The following CFAP77 variants were observed in gnomAD, a reference collection of about 807,000 sequenced individuals.
CFAP77 encodes the protein cilia- and flagella-associated protein 77.
A neutral mutation model predicts 31.1 loss-of-function variants in CFAP77; 25 were observed. The ratio of observed to expected loss-of-function variants is 0.80; its 90% CI spans 0.59 to 1.12. CFAP77 has a LOEUF of 1.12. Among genes scored for constraint, CFAP77 ranks in the 50% most tolerant of loss-of-function variants. The pLI, the probability that CFAP77 is intolerant of heterozygous loss-of-function variation, is 0.00. For synonymous variants in CFAP77, 151 were observed against 159.9 expected, an observed-to-expected ratio of 0.94 and a Z score of 0.42; for missense variants, 377 against 397.3, an observed-to-expected ratio of 0.95 and a Z score of 0.44.
chr9:132,473,558 G>A (rs143817508), intron 1 of CFAP77, among the ~76,000 whole-genome samples: 35 of 152,282 alleles, frequency 2.3e-4, no homozygotes, highest in South Asian at 1.7e-3. Flanking sequence ...CCTGTCTGTG[G>A]AGAGGGTGGT....
chr9:132,468,798 C>A (rs1713692676), intron 1 of CFAP77, among the ~76,000 whole-genome samples: 1 of 146,676 alleles, frequency 6.8e-6, no homozygotes, highest in Non-Finnish European at 1.5e-5. Flanking sequence ...CACGCACACA[C>A]ACACACACAC....
rs879727962 is a variant in CFAP77, at chr9:132,456,754, A to AT, written c.196-41927dup. ...TGATCCAACTGGAGATTTAAAAAAA[A>AT]TTTTTTTTTTTTTTGAGACACGGTC... On this transcript the variant is annotated intron_variant, in intron 1 of 5. Transcript: ENST00000393216. Among the ~76,000 whole-genome samples, 662 of 146,434 alleles carry AT rather than the reference A, an allele frequency of 4.5e-3. 5 individuals are homozygous for AT. Among genetic ancestry groups the AT allele is most frequent in the Non-Finnish European group, 6.9e-3 (453 of 65,986 alleles).
At chr9:132,434,793 T>C (rs1850474963) in intron 1 of CFAP77, among the ~76,000 whole-genome samples, 1 of 152,204 alleles carries the variant, frequency 6.6e-6, no homozygotes, top group Admixed American at 6.5e-5. Context: ...GGTCTGGCTT[T>C]TGATTTGAGC....
intron 1 of CFAP77, among the ~76,000 whole-genome samples, chr9:132,489,964 G>T (rs1408351540): frequency 6.6e-6 from 1 of 152,160 alleles, no homozygotes; most frequent in African/African-American, 2.4e-5. Flanking sequence ...AATATAGAAA[G>T]AATAGAAATT....
At chr9:132,444,974 C>CTTT (rs564127221) in intron 1 of CFAP77, among the ~76,000 whole-genome samples, 1 of 133,778 alleles carries the variant, frequency 7.5e-6, no homozygotes, top group African/African-American at 2.8e-5. Flanking sequence ...TTCTTTCTTT[C>CTTT]TTTTTTTTTT....
At position 132,554,217 on chromosome 9, in the gene CFAP77, G is replaced by A. The variant is rs146671088; in HGVS notation, c.732+11170G>A. On this transcript the variant is annotated intron_variant, in intron 5 of 5. Coordinates refer to ENST00000393216, the MANE Select transcript of CFAP77 (RefSeq NM_001282957.2). The surrounding 1 kb of genome is among the most constrained non-coding windows in gnomAD (Gnocchi z 4.1). ...CTGTTGTGGAAAAAACATGCTCGAC[G>A]TGATGGAATGTGCTCCGTTTGGCTT... Among the ~76,000 whole-genome samples, 66 of 152,336 alleles carry A rather than the reference G, an allele frequency of 4.3e-4. 1 individual carries two copies. The highest frequency in any genetic ancestry group is 1.0e-3 in the South Asian group (5 of 4,830).
At chr9:132,487,710 C>T (rs892356440) in intron 1 of CFAP77, among the ~76,000 whole-genome samples, 1 of 146,946 alleles carries the variant, frequency 6.8e-6, no homozygotes, top group Non-Finnish European at 1.5e-5. Flanking sequence ...GTGGTCTTCT[C>T]ATGCGTGGCT....
rs4962071 is a variant in CFAP77 at position 132,552,115 on chromosome 9, T to C, written c.732+9068T>C. ...TTAAAAGTGGGAGGCTGAGGCTGAG[T>C]CCAGCAGGAGGGCTGGGTCTGTCTG... On this transcript the variant is annotated intron_variant, in intron 5 of 5. Coordinates refer to ENST00000393216, the MANE Select transcript of CFAP77 (RefSeq NM_001282957.2). This position sits in a 1 kb window ranked among gnomAD's most constrained non-coding sequence, Gnocchi z 5.5. 0.75 allele frequency among the ~76,000 whole-genome samples: 114,116 copies of C among 152,200 alleles called. 44,031 individuals carry two copies. Among genetic ancestry groups the C allele is most frequent in the East Asian group, 0.93 (4,816 of 5,168 alleles).
intron 1 of CFAP77, among the ~76,000 whole-genome samples, chr9:132,442,340 C>T (rs1025929267): frequency 3.9e-5 from 6 of 152,158 alleles, no homozygotes; most frequent in Non-Finnish European, 8.8e-5. Context: ...CACTTGAGCA[C>T]AGAAGTTTGA....
intron 1 of CFAP77, among the ~76,000 whole-genome samples, chr9:132,466,038 A>G (rs1851145686): frequency 6.6e-6 from 1 of 152,180 alleles, no homozygotes; most frequent in East Asian, 1.9e-4. Context: ...AGCTTAAGCT[A>G]TGTCACAGAG....
At chr9:132,502,492 G>A (rs988659022) in intron 3 of CFAP77, among the ~76,000 whole-genome samples, 21 of 151,604 alleles carry the variant, frequency 1.4e-4, no homozygotes, top group African/African-American at 4.8e-4. Context: ...AAACACAAAC[G>A]CCCCAGCCCC....
chr9:132,557,731 C>A (rs189209654), intron 5 of CFAP77, among the ~76,000 whole-genome samples: 2 of 152,272 alleles, frequency 1.3e-5, no homozygotes, highest in Admixed American at 1.3e-4. Context: ...GGAGTCCATG[C>A]GGCACCTTCC....
At chr9:132,430,051 C>T (rs936251197) in intron 1 of CFAP77, among the ~76,000 whole-genome samples, 1 of 152,072 alleles carries the variant, frequency 6.6e-6, no homozygotes, top group Non-Finnish European at 1.5e-5. Flanking sequence ...GGGGTCTGCA[C>T]TTGGCGTTCT....
At chr9:132,457,467 CT>C (rs1488384078) in intron 1 of CFAP77, among the ~76,000 whole-genome samples, 31 of 152,192 alleles carry the variant, frequency 2.0e-4, no homozygotes, top group Admixed American at 2.0e-3. Flanking sequence ...CTCATGTCTC[CT>C]TTTCTTTTCT....
chr9:132,423,391 C>T lies in CFAP77; in HGVS notation c.195+12925C>T, dbSNP rs113386754. Among the ~76,000 whole-genome samples, 334 of 152,320 alleles carry T rather than the reference C, an allele frequency of 2.2e-3. 3 individuals carry two copies. The highest frequency in any genetic ancestry group is 6.3e-3 in the African/African-American group (262 of 41,572). ...GGCTGTAGACCATTTGATCAGCTGA[C>T]GCTCCAGTTTGCCCACTGACAGCTG... On this transcript the variant is annotated intron_variant, in intron 1 of 5. Coordinates refer to ENST00000393216, the MANE Select transcript of CFAP77 (RefSeq NM_001282957.2).
chr9:132,554,909 T>TATGC lies in CFAP77; in HGVS notation c.732+11877_732+11880dup, dbSNP rs143850114. On this transcript the variant is annotated intron_variant, in intron 5 of 5. Transcript: ENST00000393216. The surrounding 1 kb of genome is among the most constrained non-coding windows in gnomAD (Gnocchi z 4.1). ...CCAACCATCTATCTATCCATCCATC[T>TATGC]ATGCATGCATGCATGCATCCATCCA... 0.17 allele frequency among the ~76,000 whole-genome samples: 24,593 copies of TATGC among 146,886 alleles called. 2,460 individuals are homozygous for TATGC. The highest frequency in any genetic ancestry group is 0.25 in the East Asian group (1,229 of 4,896).
At chr9:132,475,311 A>G in intron 1 of CFAP77, among the ~76,000 whole-genome samples, 1 of 152,252 alleles carries the variant, frequency 6.6e-6, no homozygotes, top group Non-Finnish European at 1.5e-5. Flanking sequence ...CAGCCTGGGT[A>G]TCATGCATCT....
In CFAP77 at chr9:132,428,198, A is replaced by T. The variant is rs116093183; in HGVS notation, c.195+17732A>T. 9.1e-3 allele frequency among the ~76,000 whole-genome samples: 1,367 copies of T among 150,884 alleles called. 23 individuals carry two copies. Among genetic ancestry groups the T allele is most frequent in the African/African-American group, 0.03 (1,232 of 41,082 alleles). On this transcript the variant is annotated intron_variant, in intron 1 of 5. Transcript: ENST00000393216. The stretch of plus-strand genomic sequence containing the variant: ...AGTTTTTTTTTTTTTTCACAGAGAC[A>T]TGGGTCTTCCAGTGTTACCCAGTCT...
chr9:132,534,593 A>G (rs990529167), intron 3 of CFAP77, among the ~76,000 whole-genome samples: 5 of 147,086 alleles, frequency 3.4e-5, no homozygotes, highest in Non-Finnish European at 7.4e-5. Context: ...CCTGAGCAAC[A>G]GAGCGAGACT....
Sources: gnomAD v4.1 joint callset for allele counts (sites outside exome capture counted in the v4.1 genomes callset) on GRCh38, gnomAD v4.1.1 for gene constraint, Gnocchi (gnomAD v3.1) non-coding constraint, MANE v1.5 for transcripts, NCBI Gene and HGNC (gene_info 2026-07-23, HGNC 2026-07-21) for gene names.